Variants in PCDH9 observed in about 807,000 individuals in gnomAD.
The protein encoded by PCDH9 is protocadherin-9.
In PCDH9, 24 loss-of-function variants were observed where a neutral mutation model predicts 70.6. The ratio of observed to expected loss-of-function variants is 0.34; its 90% CI spans 0.25 to 0.48. PCDH9 has a LOEUF of 0.48. Among genes scored for constraint, PCDH9 ranks in the 20% least tolerant of loss-of-function variants. PCDH9 has a pLI of 0.99. For synonymous variants in PCDH9, 562 were observed against 558.5 expected (o/e 1.01, Z -0.09); for missense variants, 1,281 against 1,503.6 (o/e 0.85, Z 2.45).
chr13:66,963,925 A>T (rs2083390833), intron 2 of PCDH9, among the ~76,000 whole-genome samples: 1 of 152,080 alleles, frequency 6.6e-6, no homozygotes, highest in Non-Finnish European at 1.5e-5. Flanking sequence ...ATGTTCTCTT[A>T]GGTTAAGTTC....
intron 3 of PCDH9, among the ~76,000 whole-genome samples, chr13:66,652,009 G>A (rs528449445): frequency 4.6e-5 from 7 of 152,050 alleles, no homozygotes; most frequent in East Asian, 1.9e-4. Context: ...ATAACGTACC[G>A]CAATACAATA....
intron 4 of PCDH9, among the ~76,000 whole-genome samples, chr13:66,351,607 T>A (rs1219620251): frequency 6.6e-6 from 1 of 152,170 alleles, no homozygotes; most frequent in Non-Finnish European, 1.5e-5. Context: ...CTTATTCATG[T>A]TACCTTATTT....
At chr13:66,512,253 T>G (rs1300119619) in intron 4 of PCDH9, among the ~76,000 whole-genome samples, 1 of 148,502 alleles carries the variant, frequency 6.7e-6, no homozygotes, top group Non-Finnish European at 1.5e-5. Context: ...TTAATATATC[T>G]AACAAAATAT....
intron 4 of PCDH9, among the ~76,000 whole-genome samples, chr13:66,359,976 TG>T (rs1956442454): frequency 6.6e-6 from 1 of 152,012 alleles, no homozygotes; most frequent in East Asian, 1.9e-4. Context: ...TATTTAGATG[TG>T]ATGAAAAAGA....
intron 2 of PCDH9, among the ~76,000 whole-genome samples, chr13:66,979,145 G>T (rs2139765429): frequency 6.6e-6 from 1 of 152,132 alleles, no homozygotes; most frequent in East Asian, 1.9e-4. Flanking sequence ...AGAGCAAAGA[G>T]GTGAAATCCA....
rs118138274 is a variant in PCDH9, at chr13:66,623,516, G to A, written c.3340+7694C>T. ...TGCCTGGGCACGATCATAGCTTACT[G>A]CAAGCTCAAACTCCAAGGCTCAGGC... On this transcript the variant is annotated intron_variant, in intron 4 of 4. Coordinates refer to ENST00000377865, the MANE Select transcript of PCDH9 (RefSeq NM_203487.3). 4.2e-3 allele frequency among the ~76,000 whole-genome samples: 638 copies of A among 152,132 alleles called. 20 individuals are homozygous for A. In the East Asian group the frequency reaches 0.081, roughly 19 times the overall value.
intron 4 of PCDH9, among the ~76,000 whole-genome samples, chr13:66,469,386 A>C (rs1958573907): frequency 2.0e-5 from 3 of 151,778 alleles, no homozygotes; most frequent in Admixed American, 2.0e-4. Flanking sequence ...TTATTGTAGG[A>C]AGTAAAGAAG....
At chr13:66,961,782 G>A (rs1487042052) in intron 2 of PCDH9, among the ~76,000 whole-genome samples, 1 of 152,162 alleles carries the variant, frequency 6.6e-6, no homozygotes, top group East Asian at 1.9e-4. Context: ...ACCAGGTGCG[G>A]TGGCTCATAC....
chr13:66,504,396 C>A (rs528818781), intron 4 of PCDH9, among the ~76,000 whole-genome samples: 1 of 152,086 alleles, frequency 6.6e-6, no homozygotes, highest in South Asian at 2.1e-4. Context: ...TTTCTCTAAC[C>A]CTTGAATCTG....
intron 2 of PCDH9, among the ~76,000 whole-genome samples, chr13:67,125,803 GT>G (rs1474779952): frequency 6.6e-6 from 1 of 151,162 alleles, no homozygotes; most frequent in African/African-American, 2.4e-5. Flanking sequence ...CCTACCTTTA[GT>G]TTGGTATAAT....
At chr13:66,453,482 C>G (rs1958256200) in intron 4 of PCDH9, among the ~76,000 whole-genome samples, 1 of 151,758 alleles carries the variant, frequency 6.6e-6, no homozygotes, top group Admixed American at 6.6e-5. Flanking sequence ...AATCTATCCC[C>G]AGGAAATCAC....
At chr13:66,436,455 G>C (rs777013358) in intron 4 of PCDH9, among the ~76,000 whole-genome samples, 23 of 152,134 alleles carry the variant, frequency 1.5e-4, no homozygotes, top group Admixed American at 3.3e-4. Flanking sequence ...GCACCAAATG[G>C]ACGGATCCAC....
At chr13:66,311,163 C>A in intron 4 of PCDH9, among the ~76,000 whole-genome samples, 1 of 152,026 alleles carries the variant, frequency 6.6e-6, no homozygotes, top group South Asian at 2.1e-4. Flanking sequence ...TATTGATATG[C>A]TCAGCAAAAT....
chr13:66,509,779 T>C (rs750138339), intron 4 of PCDH9, among the ~76,000 whole-genome samples: 10 of 152,186 alleles, frequency 6.6e-5, no homozygotes, highest in Non-Finnish European at 1.3e-4. Context: ...AAAGTCTTCC[T>C]TGGCTGTCTA....
intron 2 of PCDH9, chr13:67,219,422 T>C (rs1177989482): frequency 6.6e-6 from 1 of 152,074 alleles, no homozygotes; most frequent in African/African-American, 2.4e-5. Context: ...CAATGAAATC[T>C]TAAAAACAGA....
intron 4 of PCDH9, among the ~76,000 whole-genome samples, chr13:66,319,214 A>G (rs1329570984): frequency 6.6e-6 from 1 of 152,072 alleles, no homozygotes; most frequent in East Asian, 1.9e-4. Flanking sequence ...TTGAAAACTC[A>G]CTATCATGGC....
At chr13:66,772,265 A>G (rs2079820172) in intron 3 of PCDH9, among the ~76,000 whole-genome samples, 1 of 152,162 alleles carries the variant, frequency 6.6e-6, no homozygotes, top group Non-Finnish European at 1.5e-5. Flanking sequence ...GCAGTAGGAG[A>G]AGAAATCATG....
chr13:66,627,354 A>G (rs1288441497), intron 4 of PCDH9, among the ~76,000 whole-genome samples: 3 of 152,196 alleles, frequency 2.0e-5, no homozygotes, highest in African/African-American at 7.2e-5. Context: ...TACTTCATCA[A>G]TATCACTGTA....
At chr13:67,044,398 C>A (rs922278388) in intron 2 of PCDH9, among the ~76,000 whole-genome samples, 1 of 152,006 alleles carries the variant, frequency 6.6e-6, no homozygotes, top group African/African-American at 2.4e-5. Flanking sequence ...AAATGATACC[C>A]CAAATGCCAA....
Sources: gnomAD v4.1 joint callset for allele counts (sites outside exome capture counted in the v4.1 genomes callset) on GRCh38, gnomAD v4.1.1 for gene constraint, MANE v1.5 for transcripts, NCBI Gene and HGNC (gene_info 2026-07-23, HGNC 2026-07-21) for gene names.